DLG2: variants seen among roughly 807,000 people sequenced by gnomAD.
DLG2 encodes disks large homolog 2.
A neutral mutation model predicts 132.5 loss-of-function variants in DLG2; 45 were observed. That is an observed-to-expected ratio of 0.34 (90% CI 0.27 to 0.44). The LOEUF (loss-of-function observed/expected upper bound fraction) is 0.44, where lower values mean the gene tolerates loss of function less well. Ranked by LOEUF, DLG2 falls within the 20% of genes least tolerant of loss-of-function variation. DLG2 has a pLI of 1.00. For missense variants in DLG2, 1,045 were observed against 1,196.9 expected (o/e 0.87, Z 1.87); for synonymous variants, 424 against 419.6 (o/e 1.01, Z -0.13).
chr11:83,787,198 A>G (rs1022462968), intron 17 of DLG2, among the ~76,000 whole-genome samples: 1 of 152,000 alleles, frequency 6.6e-6, no homozygotes, highest in Non-Finnish European at 1.5e-5. Context: ...TAAAACATTC[A>G]GATGAGATTC....
At chr11:84,558,248 T>A (rs748939857) in intron 6 of DLG2, among the ~76,000 whole-genome samples, 2 of 152,156 alleles carry the variant, frequency 1.3e-5, no homozygotes, top group Non-Finnish European at 2.9e-5. Flanking sequence ...CCAGATTACA[T>A]CCCTTGTGTG....
intron 17 of DLG2, among the ~76,000 whole-genome samples, chr11:83,813,904 C>A (rs1226037138): frequency 2.0e-5 from 3 of 152,096 alleles, no homozygotes; most frequent in Non-Finnish European, 4.4e-5. Flanking sequence ...ACACAGTCAT[C>A]ATTTTATTGA....
chr11:83,619,560 T>C (rs983863313), intron 19 of DLG2, among the ~76,000 whole-genome samples: 1 of 152,160 alleles, frequency 6.6e-6, no homozygotes, highest in African/African-American at 2.4e-5. Context: ...TGCTCCCTCA[T>C]AGATACTGTG....
intron 14 of DLG2, among the ~76,000 whole-genome samples, chr11:83,933,974 T>C (rs1446201966): frequency 6.6e-6 from 1 of 152,270 alleles, no homozygotes; most frequent in Non-Finnish European, 1.5e-5. Flanking sequence ...CCACTAATTA[T>C]AGAGCACCAG....
chr11:83,457,967 C>G lies in DLG2; in HGVS notation c.*1851G>C, dbSNP rs759247747. On this transcript the variant is annotated 3_prime_UTR_variant, in exon 28 of 28. Coordinates refer to ENST00000376104, the MANE Select transcript of DLG2 (RefSeq NM_001142699.3). ...TAGCCAGGCAGACAATGATGTTTAGCGTAAGATGAACAATGCCTGTTTTTG... is the reference window on the plus strand; with the variant it reads ...TAGCCAGGCAGACAATGATGTTTAGGGTAAGATGAACAATGCCTGTTTTTG... 1 of 152,536 alleles carries G rather than the reference C, an allele frequency of 6.6e-6. No homozygotes were observed. The highest frequency in any genetic ancestry group is 1.5e-5 in the Non-Finnish European group (1 of 68,028). 9.4% of individuals were successfully genotyped at this position (152,536 alleles called of 1,614,324 possible). A position where few individuals can be genotyped will look rare whatever the true frequency, so the allele number is the denominator to read the frequency against.
chr11:84,350,947 T>C (rs557561049), intron 7 of DLG2, among the ~76,000 whole-genome samples: 1 of 152,134 alleles, frequency 6.6e-6, no homozygotes. Context: ...CCTCCCCTTT[T>C]CAATGTAAAA....
chr11:84,080,776 G>A (rs181142249), intron 10 of DLG2, among the ~76,000 whole-genome samples: 10 of 152,168 alleles, frequency 6.6e-5, no homozygotes, highest in African/African-American at 2.4e-4. Context: ...TGGATCACCT[G>A]AGGTCTGGAG....
At chr11:83,564,483 T>C (rs528586285) in intron 19 of DLG2, among the ~76,000 whole-genome samples, 68 of 152,276 alleles carry the variant, frequency 4.5e-4, no homozygotes, top group African/African-American at 1.6e-3. Flanking sequence ...TAAGTTTCAT[T>C]TTCTGTTTAG....
intron 6 of DLG2, among the ~76,000 whole-genome samples, chr11:84,549,135 G>C (rs1673951865): frequency 6.6e-6 from 1 of 152,134 alleles, no homozygotes; most frequent in African/African-American, 2.4e-5. Flanking sequence ...CAAAGGAAGG[G>C]GTTTCCAGCT....
At chr11:83,825,168 TA>T (rs1175958374) in intron 17 of DLG2, among the ~76,000 whole-genome samples, 28 of 86,314 alleles carry the variant, frequency 3.2e-4, no homozygotes, top group African/African-American at 1.4e-3. Context: ...TATATATATA[TA>T]TATTTTTTTT....
chr11:83,575,218 G>A (rs912794205), intron 19 of DLG2, among the ~76,000 whole-genome samples: 13 of 152,154 alleles, frequency 8.5e-5, no homozygotes, highest in Non-Finnish European at 1.9e-4. Flanking sequence ...ACAAACTATA[G>A]GGAATAATGA....
At chr11:84,522,751 T>G (rs2099308285) in intron 7 of DLG2, among the ~76,000 whole-genome samples, 1 of 152,232 alleles carries the variant, frequency 6.6e-6, no homozygotes, top group Admixed American at 6.5e-5. Flanking sequence ...ATTTAAAAAT[T>G]GCCTTCTGGA....
intron 6 of DLG2, among the ~76,000 whole-genome samples, chr11:84,836,541 C>G (rs1205633129): frequency 6.6e-6 from 1 of 151,778 alleles, no homozygotes; most frequent in Non-Finnish European, 1.5e-5. Flanking sequence ...TCTAACATTC[C>G]TTATCATTAT....
rs575669697 is a variant in DLG2, at chr11:85,198,680, AC to A, written c.187-44030del. On this transcript the variant is annotated intron_variant, in intron 4 of 27. Coordinates refer to ENST00000376104, the MANE Select transcript of DLG2 (RefSeq NM_001142699.3). ...TACCATAATTAAAAATTATCTACTA[AC>A]CCTTTGCTACTTTTATGATAAAATC... 4.6e-3 allele frequency among the ~76,000 whole-genome samples: 703 copies of A among 152,226 alleles called. 4 individuals are homozygous for A. Among genetic ancestry groups the A allele is most frequent in the African/African-American group, 0.016 (645 of 41,540 alleles).
At chr11:83,731,473 C>CT (rs1200288897) in intron 18 of DLG2, among the ~76,000 whole-genome samples, 6 of 152,058 alleles carry the variant, frequency 3.9e-5, no homozygotes, top group African/African-American at 1.4e-4. Flanking sequence ...GATTTCATTC[C>CT]TTTTTTATGG....
chr11:84,421,023 A>G (rs1601823300), intron 7 of DLG2, among the ~76,000 whole-genome samples: 1 of 152,072 alleles, frequency 6.6e-6, no homozygotes, highest in South Asian at 2.1e-4. Flanking sequence ...ATGCAGTGGT[A>G]TTAGGAGGTG....
intron 6 of DLG2, among the ~76,000 whole-genome samples, chr11:84,592,307 A>G (rs2099545292): frequency 6.6e-6 from 1 of 152,202 alleles, no homozygotes; most frequent in Non-Finnish European, 1.5e-5. Context: ...TCACTGAATT[A>G]AAGTATGAGC....
intron 3 of DLG2, among the ~76,000 whole-genome samples, chr11:85,308,778 A>T (rs1006862414): frequency 6.6e-6 from 1 of 152,208 alleles, no homozygotes; most frequent in African/African-American, 2.4e-5. Flanking sequence ...AAGCTTTACT[A>T]GCTAATAATA....
At chr11:84,139,964 G>T (rs2094771163) in intron 9 of DLG2, among the ~76,000 whole-genome samples, 2 of 151,976 alleles carry the variant, frequency 1.3e-5, no homozygotes, top group African/African-American at 2.4e-5. Context: ...ATACTTTGGG[G>T]TGATTTAAAA....
Sources: gnomAD v4.1 joint callset for allele counts (sites outside exome capture counted in the v4.1 genomes callset) on GRCh38, gnomAD v4.1.1 for gene constraint, MANE v1.5 for transcripts, NCBI Gene and HGNC (gene_info 2026-07-23, HGNC 2026-07-21) for gene names.